Variants in FADS1 observed in about 807,000 individuals in gnomAD.
FADS1 encodes acyl-CoA (8-3)-desaturase.
Under a neutral mutation model 61.6 loss-of-function variants are expected in FADS1, and 17 were observed. That is an observed-to-expected ratio of 0.28 (90% CI 0.19 to 0.41). The LOEUF (loss-of-function observed/expected upper bound fraction) is 0.41, where lower values mean the gene tolerates loss of function less well. Ranked by LOEUF, FADS1 falls within the 10% of genes least tolerant of loss-of-function variation. FADS1 has a pLI of 1.00. For missense variants in FADS1, 387 were observed against 650.9 expected, an observed-to-expected ratio of 0.59 and a Z score of 4.41; for synonymous variants, 238 against 258.7, an observed-to-expected ratio of 0.92 and a Z score of 0.77.
intron 6 of FADS1, 54 bp from the exon 7 acceptor site, chr11:61,804,815 G>T (rs540146908): frequency 3.2e-5 from 48 of 1,482,032 alleles, no homozygotes; most frequent in Non-Finnish European, 4.3e-5. Context: ...GGTCATGAAA[G>T]GGCCAGTTGA....
At chr11:61,806,526 G>T in intron 6 of FADS1, 138 bp downstream of exon 6, 2 of 744,198 alleles carry the variant, frequency 2.7e-6, no homozygotes, top group South Asian at 1.6e-5. Context: ...CATGCAGGGA[G>T]TAACTGGGGG....
At chr11:61,810,911 G>C in intron 4 of FADS1, 32 bp from the exon 5 acceptor site, 2 of 1,614,132 alleles carry the variant, frequency 1.2e-6, no homozygotes, top group Non-Finnish European at 1.7e-6. Context: ...AGTATGAAAA[G>C]CTTCCCCCAA....
At position 61,803,016 on chromosome 11, in the gene FADS1, C is replaced by T; in HGVS notation, c.1328+16G>A. ...CACCCTCCCCAGGACCCTGCTTCCC[C>T]AGGCTCCCTACTCACTGGTGCTCAA... On this transcript the variant is annotated intron_variant, in intron 10 of 11. Coordinates refer to ENST00000350997, the MANE Select transcript of FADS1 (RefSeq NM_013402.7). The surrounding 1 kb of genome is among the most constrained non-coding windows in gnomAD (Gnocchi z 4.3). 6.2e-7 allele frequency: 1 copy of T among 1,614,168 alleles called. No homozygotes were observed. Among genetic ancestry groups the T allele is most frequent in the Non-Finnish European group, 8.5e-7 (1 of 1,180,012 alleles).
In FADS1 at chr11:61,816,130, C is replaced by T; in HGVS notation, c.375+425G>A. On this transcript the variant is annotated intron_variant, in intron 1 of 11. Coordinates refer to ENST00000350997, the MANE Select transcript of FADS1 (RefSeq NM_013402.7). The surrounding 1 kb of genome is among the most constrained non-coding windows in gnomAD (Gnocchi z 7.0). ...CTAGGTCCAGACGCGGCTGCGCTGC[C>T]TCTCCTAGCCATCGAGACAGGATGT... 1.2e-6 allele frequency: 1 copy of T among 815,378 alleles called. No homozygotes were observed. The highest frequency in any genetic ancestry group is 1.9e-6 in the Non-Finnish European group (1 of 531,766). The allele number at this position is 815,378 out of a possible 1,614,324, so 50.5% of individuals were successfully genotyped here. A position where few individuals can be genotyped will look rare whatever the true frequency, so the allele number is the denominator to read the frequency against.
Position 61,802,914 on chromosome 11 carries a change from C to T in FADS1, c.1341G>A (p.Thr447=), listed in dbSNP as rs115713429. Residue 447 remains threonine (T), a synonymous_variant, in exon 11 of 12, where the codon ACG becomes ACA. Coordinates refer to ENST00000350997, the MANE Select transcript of FADS1 (RefSeq NM_013402.7). This position sits in a 1 kb window ranked among gnomAD's most constrained non-coding sequence, Gnocchi z 4.2. ...NFQIEHHLFP[T]MPRHNYHKVA... is the part of the protein sequence containing the mutation. ...CTTTGTGGTAATTGTGTCGAGGCAT[C>T]GTGGGAAAAAGACTTTAGGGAGAAC... is the stretch of plus-strand genomic sequence containing the variant. The T allele has an allele frequency of 9.3e-6, 15 of 1,613,712 alleles. No individual in the cohort carries two copies. The highest frequency in any genetic ancestry group is 5.3e-5 in the African/African-American group (4 of 74,998).
rs913097920 is a variant in FADS1, at chr11:61,812,687, A to G, written c.487-19T>C. ...GCTCTTTCTGCAGAAGAGGAAGAGG[A>G]GCTGTTATTCTTCTCATCTGCACCC... On this transcript the variant is annotated intron_variant, in intron 2 of 11. Transcript: ENST00000350997. 6.2e-7 allele frequency: 1 copy of G among 1,607,860 alleles called. No individual in the cohort carries two copies. The highest frequency in any genetic ancestry group is 1.3e-5 in the African/African-American group (1 of 74,710).
Position 61,802,205 on chromosome 11 carries a change from C to T in FADS1, c.*206G>A. The T allele has an allele frequency of 1.7e-6, 1 of 594,660 alleles. No homozygotes were observed. Among genetic ancestry groups the T allele is most frequent in the South Asian group, 2.0e-5 (1 of 50,170 alleles). 36.8% of individuals were successfully genotyped at this position (594,660 alleles called of 1,614,324 possible). ...CCCTGCCCCAACAGCTCCTTCCCTC[C>T]TAGGGACTTCTGTGTCCACCCCCCA... On this transcript the variant is annotated 3_prime_UTR_variant, in exon 12 of 12. Coordinates refer to ENST00000350997, the MANE Select transcript of FADS1 (RefSeq NM_013402.7). The surrounding 1 kb of genome is among the most constrained non-coding windows in gnomAD (Gnocchi z 4.2).
rs1422340734 is a variant in FADS1 at position 61,802,021 on chromosome 11, C to CA, written c.*389dup. On this transcript the variant is annotated 3_prime_UTR_variant, in exon 12 of 12. Transcript: ENST00000350997. The surrounding 1 kb of genome is among the most constrained non-coding windows in gnomAD (Gnocchi z 4.2). ...TCAGCCTCCTGGGTAGCTGGGATTACAGGCGCGTGCCACCACGCCCGGCAT... is the reference window on the plus strand; with the variant it reads ...TCAGCCTCCTGGGTAGCTGGGATTACAAGGCGCGTGCCACCACGCCCGGCAT... 3 of 220,836 alleles carry CA rather than the reference C, an allele frequency of 1.4e-5. No individual in the cohort carries two copies. The highest frequency in any genetic ancestry group is 2.7e-5 in the Non-Finnish European group (3 of 109,240). The allele number at this position is 220,836 out of a possible 1,614,324, so 13.7% of individuals were successfully genotyped here. A position where few individuals can be genotyped will look rare whatever the true frequency, so the allele number is the denominator to read the frequency against.
chr11:61,803,841 C>T lies in FADS1; in HGVS notation c.1054-74G>A. 4.5e-6 allele frequency: 5 copies of T among 1,120,020 alleles called. No homozygotes were observed. The highest frequency in any genetic ancestry group is 1.3e-5 in the South Asian group (1 of 78,958). The allele number at this position is 1,120,020 out of a possible 1,614,324, so 69.4% of individuals were successfully genotyped here. The stretch of plus-strand genomic sequence containing the variant: ...CTTCCTCTCAGCAGCTCTTTGTTTG[C>T]ATGGTGCAGCCATTCTCCTGGTTAT... On this transcript the variant is annotated intron_variant, in intron 7 of 11. Coordinates refer to ENST00000350997, the MANE Select transcript of FADS1 (RefSeq NM_013402.7). This position sits in a 1 kb window ranked among gnomAD's most constrained non-coding sequence, Gnocchi z 4.3.
At position 61,803,410 on chromosome 11, in the gene FADS1, G is replaced by C. The variant is rs2066871345; in HGVS notation, c.1201C>G (p.Pro401Ala). The C allele has an allele frequency of 6.2e-7, 1 of 1,614,020 alleles. No homozygotes were observed. The highest frequency in any genetic ancestry group is 8.5e-7 in the Non-Finnish European group (1 of 1,180,006). ...TTCCGGTCATGATCAATGTGCATGG[G>C]AATATGGTTCATCTGTGTCACCCAC... ...FVWVTQMNHI[P>A]MHIDHDRNMD... The change falls in exon 9 of 12, where the codon CCC becomes GCC. Residue 401 changes from proline to alanine, a missense_variant. By Grantham distance (27) the Pro-to-Ala change is conservative. Around this residue, in one of 2 missense-constraint regions of FADS1, gnomAD observed 257 missense variants for 533.3 expected, o/e 0.48. Coordinates refer to ENST00000350997, the MANE Select transcript of FADS1 (RefSeq NM_013402.7). The surrounding 1 kb of genome is among the most constrained non-coding windows in gnomAD (Gnocchi z 4.3).
Position 61,802,792 on chromosome 11 carries a change from G to T in FADS1, c.1454+9C>A, listed in dbSNP as rs746843286. 6.2e-7 allele frequency: 1 copy of T among 1,614,106 alleles called. No homozygotes were observed. Among genetic ancestry groups the T allele is most frequent in the South Asian group, 1.1e-5 (1 of 91,052 alleles). On this transcript the variant is annotated intron_variant, in intron 11 of 11. Coordinates refer to ENST00000350997, the MANE Select transcript of FADS1 (RefSeq NM_013402.7). The surrounding 1 kb of genome is among the most constrained non-coding windows in gnomAD (Gnocchi z 4.2). The stretch of plus-strand genomic sequence containing the variant: ...CCTACTAGCCATCTTCCTGGTCTCA[G>T]ATACTCACTGGATGATGTCGGCGAA...
rs1212670935 is a variant in FADS1 at position 61,800,515 on chromosome 11, C to G, written c.*1896G>C. The G allele has an allele frequency of 1.3e-5, 2 of 152,312 alleles. No homozygotes were observed. The highest frequency in any genetic ancestry group is 4.8e-5 in the African/African-American group (2 of 41,428). 9.4% of individuals were successfully genotyped at this position (152,312 alleles called of 1,614,324 possible). ...CTTCCATGTCTTTGTGTTGACAAAC[C>G]TAACCTTCCATGTCTTTTTGTTGAC... On this transcript the variant is annotated 3_prime_UTR_variant, in exon 12 of 12. Coordinates refer to ENST00000350997, the MANE Select transcript of FADS1 (RefSeq NM_013402.7).
chr11:61,807,749 C>T (rs143588856), intron 5 of FADS1, among the ~76,000 whole-genome samples: 9 of 152,314 alleles, frequency 5.9e-5, no homozygotes, highest in Non-Finnish European at 1.2e-4. Flanking sequence ...GTCTGCATCG[C>T]ACTCCAATTA....
At position 61,816,249 on chromosome 11, in the gene FADS1, C is replaced by T; in HGVS notation, c.375+306G>A. On this transcript the variant is annotated intron_variant, in intron 1 of 11. Coordinates refer to ENST00000350997, the MANE Select transcript of FADS1 (RefSeq NM_013402.7). The surrounding 1 kb of genome is among the most constrained non-coding windows in gnomAD (Gnocchi z 7.0). ...AGCCTACCCAGCTCGGGGTTCTGTC[C>T]CCGCCCAGAGACCTGAGGCTCGGGG... 6.3e-7 allele frequency: 1 copy of T among 1,597,140 alleles called. No individual in the cohort carries two copies.
intron 2 of FADS1, 96 bp from the exon 3 acceptor site, chr11:61,812,764 G>A (rs1477000781): frequency 3.1e-5 from 34 of 1,098,646 alleles, no homozygotes; most frequent in Non-Finnish European, 4.4e-5. Flanking sequence ...TCCCACTGAG[G>A]TAGCTGTGGG....
At position 61,802,878 on chromosome 11, in the gene FADS1, C is replaced by G. The variant is rs751822479; in HGVS notation, c.1377G>C (p.Leu459=). ...CATGCTTGGCACACAAGGACTGCACCAGGGGAGCCACTTTGTGGTAATTGT... is the reference window on the plus strand; with the variant it reads ...CATGCTTGGCACACAAGGACTGCACGAGGGGAGCCACTTTGTGGTAATTGT... ...PRHNYHKVAP[L]VQSLCAKHGI... Residue 459 remains leucine (L), a synonymous_variant, in exon 11 of 12, where the codon CTG becomes CTC. Transcript: ENST00000350997. This position sits in a 1 kb window ranked among gnomAD's most constrained non-coding sequence, Gnocchi z 4.2. The G allele has an allele frequency of 4.3e-6, 7 of 1,614,140 alleles. No individual in the cohort carries two copies. Among genetic ancestry groups the G allele is most frequent in the Non-Finnish European group, 5.9e-6 (7 of 1,180,008 alleles).
In FADS1 at chr11:61,799,687, A is replaced by G. The variant is rs2135931539; in HGVS notation, c.*2724T>C. 1 of 152,508 alleles carries G rather than the reference A, an allele frequency of 6.6e-6. No homozygotes were observed. Among genetic ancestry groups the G allele is most frequent in the Non-Finnish European group, 1.5e-5 (1 of 68,034 alleles). 9.4% of individuals were successfully genotyped at this position (152,508 alleles called of 1,614,324 possible). On this transcript the variant is annotated 3_prime_UTR_variant, in exon 12 of 12. Transcript: ENST00000350997. Reference sequence around the variant, plus strand: ...AGGGATGTGATAACAAAATTGGCACACACAAAAAGAATACTGATATTGGGC... The same window carrying G: ...AGGGATGTGATAACAAAATTGGCACGCACAAAAAGAATACTGATATTGGGC...
Position 61,816,347 on chromosome 11 carries a change from C to T in FADS1, c.375+208G>A. ...TGCGTGTTGTTGGCCTCCATCCCCA[C>T]TCCCCAGACTCCACTTCTCCAGGCC... On this transcript the variant is annotated intron_variant, in intron 1 of 11. Coordinates refer to ENST00000350997, the MANE Select transcript of FADS1 (RefSeq NM_013402.7). The surrounding 1 kb of genome is among the most constrained non-coding windows in gnomAD (Gnocchi z 7.0). 1.5e-5 allele frequency: 24 copies of T among 1,598,402 alleles called. No individual in the cohort carries two copies. Among genetic ancestry groups the T allele is most frequent in the Non-Finnish European group, 1.9e-5 (23 of 1,179,772 alleles).
At position 61,812,602 on chromosome 11, in the gene FADS1, T is replaced by C. The variant is rs2066939423; in HGVS notation, c.553A>G (p.Asn185Asp). 6.2e-7 allele frequency: 1 copy of C among 1,614,158 alleles called. No homozygotes were observed. The highest frequency in any genetic ancestry group is 1.3e-5 in the African/African-American group (1 of 75,056). Residue 185 changes from asparagine to aspartate, a missense_variant, in exon 3 of 12, where the codon AAC (asparagine) becomes GAC (aspartate). Physicochemically the swap from Asn to Asp is conservative, Grantham distance 23. Around this residue, in one of 2 missense-constraint regions of FADS1, gnomAD observed 257 missense variants for 533.3 expected, o/e 0.48. Transcript: ENST00000350997. ...AGGTACAGCAGGAAGAAGACATGGT[T>C]GGCCTTCATGAGCCCCATCCGCTCC... ...TVERMGLMKA[N>D]HVFFLLYLLH...
Sources: gnomAD v4.1 joint callset for allele counts (sites outside exome capture counted in the v4.1 genomes callset) on GRCh38, gnomAD v4.1.1 for gene constraint, gnomAD v4.1.1 regional missense constraint, Gnocchi (gnomAD v3.1) non-coding constraint, MANE v1.5 for transcripts, NCBI Gene and HGNC (gene_info 2026-07-23, HGNC 2026-07-21) for gene names.